PPP6R1: variants seen among roughly 807,000 people sequenced by gnomAD.
The protein encoded by PPP6R1 is protein phosphatase 6 regulatory subunit 1.
PPP6R1 carries 39 observed loss-of-function variants against 104.6 expected under a neutral mutation model. That is an observed-to-expected ratio of 0.37 (90% confidence interval 0.29 to 0.49). PPP6R1 has a LOEUF of 0.49. Among genes scored for constraint, PPP6R1 ranks in the 20% least tolerant of loss-of-function variants. PPP6R1 has a pLI of 0.98. For synonymous variants in PPP6R1, 549 were observed against 479.0 expected (o/e 1.15, Z -1.91); for missense variants, 1,181 against 1,155.8 (o/e 1.02, Z -0.32).
chr19:55,247,629 C>T lies in PPP6R1; in HGVS notation c.-6-520G>A, dbSNP rs188367283. ...TATTTGCTCAACAAACTCAGATGCC[C>T]GATGACTTCCAGCACACGGCTGCTG... On this transcript the variant is annotated intron_variant, in intron 1 of 23. Coordinates refer to ENST00000412770, the MANE Select transcript of PPP6R1 (RefSeq NM_014931.4). 1.0e-3 allele frequency among the ~76,000 whole-genome samples: 154 copies of T among 152,316 alleles called. 1 individual carries two copies. The Middle Eastern group carries it at 0.01, about 10-fold the overall frequency.
chr19:55,236,846 T>C (rs2087403641), intron 16 of PPP6R1, 25 bp from the exon 17 acceptor site: 3 of 1,613,386 alleles, frequency 1.9e-6, no homozygotes, highest in Non-Finnish European at 2.5e-6. Flanking sequence ...GGTGGGAGGA[T>C]GGGCCACACT....
chr19:55,228,775 G>A, downstream of PPP6R1: 1 of 1,609,488 alleles, frequency 6.2e-7, no homozygotes, highest in Non-Finnish European at 8.5e-7. Context: ...ACCTAATCTG[G>A]GAGCGAGTGG....
In PPP6R1 at chr19:55,240,232, T is replaced by C; in HGVS notation, c.1361+4A>G. On this transcript the variant is annotated splice_donor_region_variant and intron_variant, in intron 11 of 23. Transcript: ENST00000412770. ...TGGAGACATGAAGGGCAGCAGGTGC[T>C]CACTGTACACGGTCGTTCTCCTCCC... 6.3e-7 allele frequency: 1 copy of C among 1,587,500 alleles called. No homozygotes were observed. The highest frequency in any genetic ancestry group is 8.6e-7 in the Non-Finnish European group (1 of 1,167,494).
Position 55,241,813 on chromosome 19 carries a change from G to A in PPP6R1, c.846-174C>T, listed in dbSNP as rs1031701639. ...AACACCTGGCTGGGGTGGGGAGCCC[G>A]CCAGGCGGCAGCATTGGCAGTCCAC... On this transcript the variant is annotated intron_variant, in intron 7 of 23. Coordinates refer to ENST00000412770, the MANE Select transcript of PPP6R1 (RefSeq NM_014931.4). The surrounding 1 kb of genome is among the most constrained non-coding windows in gnomAD (Gnocchi z 5.4). 2.6e-5 allele frequency among the ~76,000 whole-genome samples: 4 copies of A among 152,182 alleles called. No individual in the cohort carries two copies. The highest frequency in any genetic ancestry group is 7.2e-5 in the African/African-American group (3 of 41,440).
Position 55,245,489 on chromosome 19 carries a change from C to T in PPP6R1, c.414+3G>A. 1.2e-6 allele frequency: 2 copies of T among 1,609,570 alleles called. No homozygotes were observed. The highest frequency in any genetic ancestry group is 1.3e-5 in the African/African-American group (1 of 75,000). The stretch of plus-strand genomic sequence containing the variant: ...GGTGGCGCCAGGGTGGGGGCCAGGG[C>T]ACCTGGTCTGTCTTGCGGTTGATGA... On this transcript the variant is annotated splice_donor_region_variant and intron_variant, in intron 3 of 23. Coordinates refer to ENST00000412770, the MANE Select transcript of PPP6R1 (RefSeq NM_014931.4). The surrounding 1 kb of genome is among the most constrained non-coding windows in gnomAD (Gnocchi z 6.4).
At chr19:55,257,936 G>T (rs1016118743) in intron 1 of PPP6R1, among the ~76,000 whole-genome samples, 2 of 152,200 alleles carry the variant, frequency 1.3e-5, no homozygotes, top group Non-Finnish European at 2.9e-5. Flanking sequence ...AGCCGGAGGC[G>T]GGAGAGGGTC....
chr19:55,256,305 G>A (rs2087592741), intron 1 of PPP6R1, among the ~76,000 whole-genome samples: 1 of 152,238 alleles, frequency 6.6e-6, no homozygotes, highest in Non-Finnish European at 1.5e-5. Context: ...CTAACATTTG[G>A]GCTGGACGGT....
intron 1 of PPP6R1, among the ~76,000 whole-genome samples, chr19:55,250,931 C>T (rs754811547): frequency 6.6e-6 from 1 of 152,184 alleles, no homozygotes; most frequent in Admixed American, 6.5e-5. Context: ...ATCGGGTCAG[C>T]GCCTGGGACC....
At chr19:55,228,610 C>T, downstream of PPP6R1, 1 of 1,542,102 alleles carries the variant, frequency 6.5e-7, no homozygotes, top group Non-Finnish European at 8.8e-7. Flanking sequence ...AACTCAAGGA[C>T]AGCAGCTCCC....
chr19:55,253,579 C>A (rs2087570160), intron 1 of PPP6R1, among the ~76,000 whole-genome samples: 1 of 152,216 alleles, frequency 6.6e-6, no homozygotes, highest in South Asian at 2.1e-4. Flanking sequence ...CCTGAACTCT[C>A]CATCTCAAGT....
Position 55,245,138 on chromosome 19 carries a change from G to A in PPP6R1, c.600C>T (p.His200=). The change falls in exon 5 of 24, where the codon CAC becomes CAT. Residue 200 remains histidine (H), a synonymous_variant. Coordinates refer to ENST00000412770, the MANE Select transcript of PPP6R1 (RefSeq NM_014931.4). The surrounding 1 kb of genome is among the most constrained non-coding windows in gnomAD (Gnocchi z 6.4). ...KIVQRLIEQI[H]PSKDENQHSN... ...CACTCACATTCTCATCCTTCGACGG[G>A]TGGATCTGCTCAATCAGCCGCTGGA... The A allele has an allele frequency of 6.2e-7, 1 of 1,613,568 alleles. No individual in the cohort carries two copies. The highest frequency in any genetic ancestry group is 2.2e-5 in the East Asian group (1 of 44,878).
chr19:55,256,128 T>C (rs1286636692), intron 1 of PPP6R1, among the ~76,000 whole-genome samples: 2 of 152,064 alleles, frequency 1.3e-5, no homozygotes, highest in African/African-American at 4.8e-5. Flanking sequence ...TCTCCTCTAA[T>C]GGAAAGAAAC....
intron 1 of PPP6R1, among the ~76,000 whole-genome samples, chr19:55,248,313 T>C (rs1161378870): frequency 6.6e-6 from 1 of 152,000 alleles, no homozygotes; most frequent in African/African-American, 2.4e-5. Flanking sequence ...CAAAGCCCGG[T>C]AAGTCAGGCG....
chr19:55,232,361 C>CCCT (rs1177795087), intron 17 of PPP6R1, 150 bp from the exon 18 acceptor site: 3 of 1,228,754 alleles, frequency 2.4e-6, no homozygotes, highest in East Asian at 5.4e-5. Context: ...GGTGTGACGA[C>CCCT]ACCAGGAGAG....
At chr19:55,239,716 G>T (rs1272771054) in intron 13 of PPP6R1, 33 bp from the exon 14 acceptor site, 2 of 1,591,132 alleles carry the variant, frequency 1.3e-6, no homozygotes, top group Admixed American at 3.5e-5. Context: ...GGGCCTGCTG[G>T]AGCCCCCAGA....
At chr19:55,247,193 G>A in intron 1 of PPP6R1, 84 bp from the exon 2 acceptor site, 1 of 1,395,840 alleles carries the variant, frequency 7.2e-7, no homozygotes, top group Non-Finnish European at 1.0e-6. Context: ...GGGGCTGAGT[G>A]CCCACCTTGG....
chr19:55,245,536 A>C lies in PPP6R1; in HGVS notation c.370T>G (p.Phe124Val), dbSNP rs1173916045. ...ATGAGGATGCCCATGACCTTGCTGA[A>C]GAAGCTGGCCAGCAGTGGGTTGAGG... is the stretch of plus-strand genomic sequence containing the variant. The part of the protein sequence containing the change: ...GSLNPLLASF[F>V]SKVMGILINR... The change falls in exon 3 of 24, where the codon TTC (phenylalanine) becomes GTC (valine). Residue 124 changes from phenylalanine to valine, a missense_variant. Phe to Val is a conservative substitution (Grantham distance 50). Transcript: ENST00000412770. This position sits in a 1 kb window ranked among gnomAD's most constrained non-coding sequence, Gnocchi z 6.4. 6 of 1,610,876 alleles carry C rather than the reference A, an allele frequency of 3.7e-6. No homozygotes were observed. In the African/African-American group the frequency reaches 8.0e-5, roughly 22 times the overall value.
chr19:55,246,415 C>CAA (rs765525887), intron 2 of PPP6R1, among the ~76,000 whole-genome samples: 12 of 71,998 alleles, frequency 1.7e-4, no homozygotes, highest in African/African-American at 1.9e-4. Context: ...AAGTGAGTCT[C>CAA]AAAAAAAAAA....
At chr19:55,250,913 G>A (rs1463574136) in intron 1 of PPP6R1, among the ~76,000 whole-genome samples, 4 of 152,120 alleles carry the variant, frequency 2.6e-5, no homozygotes, top group Admixed American at 1.3e-4. Flanking sequence ...AATCAGAACC[G>A]CCCTCTCATC....
Sources: gnomAD v4.1 joint callset for allele counts (sites outside exome capture counted in the v4.1 genomes callset) on GRCh38, gnomAD v4.1.1 for gene constraint, Gnocchi (gnomAD v3.1) non-coding constraint, MANE v1.5 for transcripts, NCBI Gene and HGNC (gene_info 2026-07-23, HGNC 2026-07-21) for gene names.